Variants in DGKB observed in about 807,000 individuals in gnomAD.
DGKB encodes the protein diacylglycerol kinase beta.
In DGKB, 67 loss-of-function variants were observed where a neutral mutation model predicts 114.3. That is an observed-to-expected ratio of 0.59 (90% CI 0.48 to 0.72). The LOEUF (loss-of-function observed/expected upper bound fraction) is 0.72. Among genes scored for constraint, DGKB ranks in the 30% least tolerant of loss-of-function variants. The pLI, the probability that DGKB is intolerant of heterozygous loss-of-function variation, is 0.00. For missense variants in DGKB, 907 were observed against 975.2 expected (o/e 0.93, Z 0.93); for synonymous variants, 398 against 323.1 (o/e 1.23, Z -2.49).
intron 21 of DGKB, among the ~76,000 whole-genome samples, chr7:14,402,482 A>G (rs966415389): frequency 2.0e-5 from 3 of 151,810 alleles, no homozygotes; most frequent in Non-Finnish European, 4.4e-5. Flanking sequence ...GGAATTGCAT[A>G]TTTTAAAAAT....
Position 14,744,991 on chromosome 7 carries a change from C to T in DGKB, c.169-8797G>A, listed in dbSNP as rs560695277. On this transcript the variant is annotated intron_variant, in intron 4 of 25. Coordinates refer to ENST00000402815, the MANE Select transcript of DGKB (RefSeq NM_001350709.2). Reference sequence around the variant, plus strand: ...GCAGTTATCCTGCTAATCCTGACATCTGATAGGAGTAAATAGGGTGCCCAT... The same window carrying T: ...GCAGTTATCCTGCTAATCCTGACATTTGATAGGAGTAAATAGGGTGCCCAT... Among the ~76,000 whole-genome samples the T allele has an allele frequency of 2.0e-5, 3 of 152,248 alleles. No individual in the cohort carries two copies. In the South Asian group the frequency reaches 6.2e-4, roughly 32 times the overall value.
intron 25 of DGKB, among the ~76,000 whole-genome samples, chr7:14,165,938 A>G (rs1198944971): frequency 1.3e-5 from 2 of 152,162 alleles, no homozygotes; most frequent in South Asian, 2.1e-4. Context: ...GAAGCATGGT[A>G]TTTCTTCCTT....
intron 21 of DGKB, among the ~76,000 whole-genome samples, chr7:14,396,625 A>G (rs1822259241): frequency 6.6e-6 from 1 of 152,162 alleles, no homozygotes; most frequent in Non-Finnish European, 1.5e-5. Flanking sequence ...AACAACCTTA[A>G]TGACATGTAG....
intron 1 of DGKB, among the ~76,000 whole-genome samples, chr7:14,963,254 G>A (rs562198669): frequency 2.0e-5 from 3 of 152,078 alleles, no homozygotes; most frequent in Admixed American, 6.6e-5. Flanking sequence ...CTAAATAGTT[G>A]CTCTGGAAAC....
At chr7:14,153,862 G>A (rs1333677343) in intron 25 of DGKB, among the ~76,000 whole-genome samples, 1 of 152,016 alleles carries the variant, frequency 6.6e-6, no homozygotes, top group East Asian at 1.9e-4. Flanking sequence ...AACCCCAGAG[G>A]AAAAGTTAAT....
upstream of DGKB, among the ~76,000 whole-genome samples, chr7:14,904,867 C>T (rs1043402956): frequency 6.6e-6 from 1 of 152,078 alleles, no homozygotes; most frequent in African/African-American, 2.4e-5. Flanking sequence ...AGGAAGTAGG[C>T]ACAAGAAGTC....
At chr7:14,343,703 A>G (rs1811999541) in intron 22 of DGKB, among the ~76,000 whole-genome samples, 1 of 151,442 alleles carries the variant, frequency 6.6e-6, no homozygotes, top group Non-Finnish European at 1.5e-5. Context: ...CTTCTGCTGC[A>G]AATTGTATTT....
intron 20 of DGKB, among the ~76,000 whole-genome samples, chr7:14,545,891 G>A (rs1416561311): frequency 1.3e-5 from 2 of 152,174 alleles, no homozygotes; most frequent in African/African-American, 2.4e-5. Flanking sequence ...CAATTATCAT[G>A]AGGCCAGAGC....
intron 23 of DGKB, among the ~76,000 whole-genome samples, chr7:14,264,042 T>C (rs983983237): frequency 6.6e-6 from 1 of 152,112 alleles, no homozygotes; most frequent in Admixed American, 6.6e-5. Context: ...AGTGCAGTTC[T>C]ATTTTTGAAA....
chr7:14,330,970 T>C (rs1809621949), intron 23 of DGKB, among the ~76,000 whole-genome samples: 1 of 151,986 alleles, frequency 6.6e-6, no homozygotes, highest in Admixed American at 6.6e-5. Flanking sequence ...TTTATTACTT[T>C]TTACAAACTT....
chr7:14,145,867 A>G lies in DGKB; in HGVS notation c.*3264T>C, dbSNP rs2128205597. 1 of 152,340 alleles carries G rather than the reference A, an allele frequency of 6.6e-6. No homozygotes were observed. Among genetic ancestry groups the G allele is most frequent in the South Asian group, 2.1e-4 (1 of 4,826 alleles). 9.4% of individuals were successfully genotyped at this position (152,340 alleles called of 1,614,324 possible). On this transcript the variant is annotated 3_prime_UTR_variant, in exon 26 of 26. Transcript: ENST00000402815. Reference sequence around the variant, plus strand: ...AGAATACAGTGTGAGATTCAAGGAGAATACAGTGTGAGATTCAAAACATAT... The same window carrying G: ...AGAATACAGTGTGAGATTCAAGGAGGATACAGTGTGAGATTCAAAACATAT...
At chr7:14,172,447 G>T (rs11773621) in intron 25 of DGKB, among the ~76,000 whole-genome samples, 2,846 of 152,196 alleles carry the variant, frequency 0.019, 43 homozygotes, top group South Asian at 0.055. Context: ...GGGAGAGAAA[G>T]AAAGGAAAAG....
intron 13 of DGKB, among the ~76,000 whole-genome samples, chr7:14,652,213 C>G (rs1299794212): frequency 4.0e-5 from 6 of 151,360 alleles, no homozygotes; most frequent in African/African-American, 9.7e-5. Flanking sequence ...GCCAAAAGAA[C>G]AAAGCTGGAG....
chr7:14,492,527 C>T (rs1021626128), intron 20 of DGKB, among the ~76,000 whole-genome samples: 10 of 151,976 alleles, frequency 6.6e-5, no homozygotes, highest in African/African-American at 2.4e-4. Context: ...AAAGAAAATA[C>T]AATTGACACA....
At chr7:14,709,735 A>G (rs1441477878) in intron 6 of DGKB, among the ~76,000 whole-genome samples, 3 of 145,316 alleles carry the variant, frequency 2.1e-5, no homozygotes, top group Non-Finnish European at 4.5e-5. Context: ...CAAACACCGC[A>G]TATTCTCACT....
intron 2 of DGKB, among the ~76,000 whole-genome samples, chr7:14,802,482 A>G (rs563968725): frequency 2.0e-4 from 30 of 152,286 alleles, no homozygotes; most frequent in African/African-American, 6.7e-4. Context: ...TTTTGCAAGT[A>G]TTATTTTTAA....
chr7:14,290,120 T>G (rs1801523898), intron 23 of DGKB, among the ~76,000 whole-genome samples: 1 of 152,164 alleles, frequency 6.6e-6, no homozygotes, highest in South Asian at 2.1e-4. Flanking sequence ...ACAGACAAAC[T>G]GCAGGAACCT....
intron 13 of DGKB, among the ~76,000 whole-genome samples, chr7:14,660,176 A>T (rs1437581234): frequency 1.3e-5 from 2 of 151,894 alleles, no homozygotes; most frequent in African/African-American, 4.8e-5. Flanking sequence ...TTCCTCAAGG[A>T]TATTGGTCTA....
intron 1 of DGKB, among the ~76,000 whole-genome samples, chr7:14,862,002 T>C (rs1034644653): frequency 6.6e-5 from 10 of 152,022 alleles, no homozygotes; most frequent in African/African-American, 2.2e-4. Context: ...TTACCACTGA[T>C]CCACATTATC....
Sources: gnomAD v4.1 joint callset for allele counts (sites outside exome capture counted in the v4.1 genomes callset) on GRCh38, gnomAD v4.1.1 for gene constraint, MANE v1.5 for transcripts, NCBI Gene and HGNC (gene_info 2026-07-23, HGNC 2026-07-21) for gene names.